The following STUM variants were observed in gnomAD, a reference collection of about 807,000 sequenced individuals.
STUM encodes protein stum homolog.
A neutral mutation model predicts 15.3 loss-of-function variants in STUM; 8 were observed. The observed-to-expected ratio is 0.52, with a 90% CI of 0.31 to 0.94. The LOEUF (loss-of-function observed/expected upper bound fraction) is 0.94, where lower values mean the gene tolerates loss of function less well. Among genes scored for constraint, STUM ranks in the 40% least tolerant of loss-of-function variants. The pLI is 0.05. For synonymous variants in STUM, 78 were observed against 88.7 expected, an observed-to-expected ratio of 0.88 and a Z score of 0.68; for missense variants, 142 against 204.9, an observed-to-expected ratio of 0.69 and a Z score of 1.87.
intron 1 of STUM, among the ~76,000 whole-genome samples, chr1:226,583,886 A>C (rs1415154099): frequency 2.0e-5 from 3 of 152,122 alleles, no homozygotes; most frequent in African/African-American, 7.2e-5. Flanking sequence ...TTGCTGTAAA[A>C]ACCAAACATC....
Position 226,567,354 on chromosome 1 carries a change from A to G in STUM, c.202+18248A>G, listed in dbSNP as rs1372737183. ...ACCACACTACACTGCTAAAATGCTGAACATTTGCAGTGGAAAATAACGGAA... is the reference window on the plus strand; with the variant it reads ...ACCACACTACACTGCTAAAATGCTGGACATTTGCAGTGGAAAATAACGGAA... On this transcript the variant is annotated intron_variant, in intron 1 of 3. Coordinates refer to ENST00000366788, the MANE Select transcript of STUM (RefSeq NM_001003665.4). The surrounding 1 kb of genome is among the most constrained non-coding windows in gnomAD (Gnocchi z 4.5). 1.3e-5 allele frequency among the ~76,000 whole-genome samples: 2 copies of G among 152,264 alleles called. No individual in the cohort carries two copies. Among genetic ancestry groups the G allele is most frequent in the East Asian group, 3.8e-4 (2 of 5,208 alleles).
intron 1 of STUM, among the ~76,000 whole-genome samples, chr1:226,590,000 G>A (rs2102707319): frequency 6.6e-6 from 1 of 152,050 alleles, no homozygotes; most frequent in Admixed American, 6.5e-5. Context: ...TGGCAGTCTA[G>A]AGGTGGAACC....
rs983038656 is a variant in STUM at position 226,591,414 on chromosome 1, C to T, written c.203-5388C>T. 6.6e-5 allele frequency among the ~76,000 whole-genome samples: 10 copies of T among 152,200 alleles called. No homozygotes were observed. In the South Asian group the frequency reaches 2.1e-3, roughly 31 times the overall value. ...AAGAAGGAGCAGAGACCAAAAATCC[C>T]TCTGACACCACACACATGCTAAGGT... On this transcript the variant is annotated intron_variant, in intron 1 of 3. Coordinates refer to ENST00000366788, the MANE Select transcript of STUM (RefSeq NM_001003665.4).
intron 1 of STUM, among the ~76,000 whole-genome samples, chr1:226,559,543 G>C (rs1174512487): frequency 6.6e-6 from 1 of 152,158 alleles, no homozygotes; most frequent in Non-Finnish European, 1.5e-5. Context: ...GAGGACAACT[G>C]CACAGCCACA....
At position 226,603,408 on chromosome 1, in the gene STUM, A is replaced by T. The variant is rs1401414008; in HGVS notation, c.*1368A>T. On this transcript the variant is annotated 3_prime_UTR_variant, in exon 4 of 4. Coordinates refer to ENST00000366788, the MANE Select transcript of STUM (RefSeq NM_001003665.4). ...TTAAGAGAAATTAGATACTAAGAGG[A>T]TGGACATTTACATGTCTGTTTCCTT... The T allele has an allele frequency of 6.6e-6, 1 of 152,240 alleles. No homozygotes were observed. Among genetic ancestry groups the T allele is most frequent in the African/African-American group, 2.4e-5 (1 of 41,450 alleles). 9.4% of individuals were successfully genotyped at this position (152,240 alleles called of 1,614,324 possible).
In STUM at chr1:226,553,494, A is replaced by G. The variant is rs75509704; in HGVS notation, c.202+4388A>G. Among the ~76,000 whole-genome samples the G allele has an allele frequency of 4.0e-3, 617 of 152,362 alleles. 5 individuals are homozygous for G. The highest frequency in any genetic ancestry group is 0.014 in the African/African-American group (593 of 41,588). ...CAAAAAGAAAAAAAGAGTCCAAACA[A>G]TAAATGGAGTGGGAAGAAATTTGGA... On this transcript the variant is annotated intron_variant, in intron 1 of 3. Coordinates refer to ENST00000366788, the MANE Select transcript of STUM (RefSeq NM_001003665.4).
intron 1 of STUM, among the ~76,000 whole-genome samples, chr1:226,596,571 C>G (rs896125651): frequency 6.6e-6 from 1 of 152,226 alleles, no homozygotes; most frequent in Non-Finnish European, 1.5e-5. Flanking sequence ...GGGCCCCTGG[C>G]AGCCCCGTGC....
intron 1 of STUM, among the ~76,000 whole-genome samples, chr1:226,580,406 G>T (rs1275588300): frequency 1.3e-5 from 2 of 152,154 alleles, no homozygotes; most frequent in Non-Finnish European, 2.9e-5. Flanking sequence ...CAGGTGCCCT[G>T]GGTGGAGGGG....
intron 1 of STUM, among the ~76,000 whole-genome samples, chr1:226,583,219 A>C (rs1428532210): frequency 6.6e-6 from 1 of 151,782 alleles, no homozygotes; most frequent in Non-Finnish European, 1.5e-5. Context: ...TCTACTTCTT[A>C]ATGGGAGGAG....
chr1:226,590,088 C>T (rs113389245), intron 1 of STUM, among the ~76,000 whole-genome samples: 1 of 41,480 alleles, frequency 2.4e-5, no homozygotes, highest in African/African-American at 1.0e-4. Flanking sequence ...TGGATCCCTT[C>T]CCCCCACCAT....
chr1:226,576,904 A>G (rs541307300), intron 1 of STUM, among the ~76,000 whole-genome samples: 2 of 152,338 alleles, frequency 1.3e-5, no homozygotes, highest in African/African-American at 4.8e-5. Flanking sequence ...CAGGCATTGC[A>G]CTGGTGCCTA....
At chr1:226,577,499 T>TCACACACA (rs60225649) in intron 1 of STUM, among the ~76,000 whole-genome samples, 48 of 150,938 alleles carry the variant, frequency 3.2e-4, no homozygotes, top group African/African-American at 9.0e-4. Flanking sequence ...AAACAGTTTC[T>TCACACACA]CACACACACA....
At chr1:226,597,959 A>C (rs1415915327) in intron 2 of STUM, among the ~76,000 whole-genome samples, 1 of 152,186 alleles carries the variant, frequency 6.6e-6, no homozygotes, top group South Asian at 2.1e-4. Flanking sequence ...GAGCTGCCCC[A>C]GGGAGGAATG....
intron 1 of STUM, among the ~76,000 whole-genome samples, chr1:226,581,353 G>A (rs1667914906): frequency 6.6e-6 from 1 of 152,228 alleles, no homozygotes; most frequent in Admixed American, 6.5e-5. Context: ...TGGTGTCTTA[G>A]TCCATTTTCT....
In STUM at chr1:226,600,602, C is replaced by CTG; in HGVS notation, c.383-60_383-59dup. 6.3e-7 allele frequency: 1 copy of CTG among 1,594,284 alleles called. No homozygotes were observed. The highest frequency in any genetic ancestry group is 8.6e-7 in the Non-Finnish European group (1 of 1,167,792). ...CGTTCCCTGTGGCTCTGTTTTCAGG[C>CTG]TGTGTTTTCTCTTCTTCTCTCTCTC... On this transcript the variant is annotated intron_variant, in intron 2 of 3. Coordinates refer to ENST00000366788, the MANE Select transcript of STUM (RefSeq NM_001003665.4). This position sits in a 1 kb window ranked among gnomAD's most constrained non-coding sequence, Gnocchi z 5.2.
chr1:226,589,414 C>T (rs1668049653), intron 1 of STUM, among the ~76,000 whole-genome samples: 2 of 152,178 alleles, frequency 1.3e-5, no homozygotes, highest in South Asian at 4.1e-4. Context: ...GTGGAGGGAC[C>T]CTTTTCTCTC....
chr1:226,601,947 T>C (rs758666178), intron 3 of STUM, 59 bp from the exon 4 acceptor site: 1 of 1,521,556 alleles, frequency 6.6e-7, no homozygotes, highest in Admixed American at 1.7e-5. Flanking sequence ...GGGCACCTCC[T>C]GGAGAAATCC....
rs537905382 is a variant in STUM, at chr1:226,552,422, A to G, written c.202+3316A>G. Among the ~76,000 whole-genome samples, 9 of 152,360 alleles carry G rather than the reference A, an allele frequency of 5.9e-5. No individual in the cohort carries two copies. The South Asian group carries it at 1.7e-3, about 28-fold the overall frequency. ...TGTTCCAACAATTAGGGTGTTTATAAGTATATACACGATTATTCATACCTG... is the reference window on the plus strand; with the variant it reads ...TGTTCCAACAATTAGGGTGTTTATAGGTATATACACGATTATTCATACCTG... On this transcript the variant is annotated intron_variant, in intron 1 of 3. Coordinates refer to ENST00000366788, the MANE Select transcript of STUM (RefSeq NM_001003665.4). This position sits in a 1 kb window ranked among gnomAD's most constrained non-coding sequence, Gnocchi z 4.7.
intron 1 of STUM, among the ~76,000 whole-genome samples, chr1:226,579,619 G>A (rs891911728): frequency 2.2e-5 from 3 of 139,450 alleles, no homozygotes; most frequent in African/African-American, 5.5e-5. Flanking sequence ...ACTTGGGAAG[G>A]CCTTATTTCT....
Sources: gnomAD v4.1 joint callset for allele counts (sites outside exome capture counted in the v4.1 genomes callset) on GRCh38, gnomAD v4.1.1 for gene constraint, Gnocchi (gnomAD v3.1) non-coding constraint, MANE v1.5 for transcripts, NCBI Gene and HGNC (gene_info 2026-07-23, HGNC 2026-07-21) for gene names.